ARHGEF2: variants seen among roughly 807,000 people sequenced by gnomAD.
The protein encoded by ARHGEF2 is rho guanine nucleotide exchange factor 2.
In ARHGEF2, 22 loss-of-function variants were observed where a neutral mutation model predicts 121.0. That is an observed-to-expected ratio of 0.18 (90% CI 0.13 to 0.26). ARHGEF2 has a LOEUF of 0.26. Among genes scored for constraint, ARHGEF2 ranks in the 10% least tolerant of loss-of-function variants. The pLI, the probability that ARHGEF2 is intolerant of heterozygous loss-of-function variation, is 1.00. For synonymous variants in ARHGEF2, 487 were observed against 530.0 expected, an observed-to-expected ratio of 0.92 and a Z score of 1.11; for missense variants, 907 against 1,336.0, an observed-to-expected ratio of 0.68 and a Z score of 5.01.
chr1:155,960,543 C>A (rs1016521678), intron 11 of ARHGEF2, among the ~76,000 whole-genome samples: 6 of 151,904 alleles, frequency 3.9e-5, no homozygotes, highest in Admixed American at 3.9e-4. Flanking sequence ...TGTGGGCACA[C>A]AGAAGGGGAG....
At position 155,963,062 on chromosome 1, in the gene ARHGEF2, G is replaced by A. The variant is rs761662798; in HGVS notation, c.846C>T (p.Cys282=). The A allele has an allele frequency of 3.2e-5, 52 of 1,613,998 alleles. No homozygotes were observed. The highest frequency in any genetic ancestry group is 6.7e-5 in the Admixed American group (4 of 60,000). ...EPGVVQGLFP[C]VDELSDIHTR... is the part of the protein sequence containing the mutation. Reference sequence around the variant, plus strand: ...TATGGATGTCACTGAGCTCGTCCACGCAGGGGAACAGGCCCTGGACCACTC... The same window carrying A: ...TATGGATGTCACTGAGCTCGTCCACACAGGGGAACAGGCCCTGGACCACTC... The change falls in exon 8 of 22, where the codon TGC becomes TGT. Residue 282 remains cysteine, a synonymous_variant. Transcript: ENST00000361247.
chr1:155,962,595 G>A lies in ARHGEF2; in HGVS notation c.1099C>T (p.Arg367Trp), dbSNP rs758947911. ...GGGATCTGGAGAGGTCCGCTCACCC[G>A]GATGAATTGCTGGAAGCGTTTGTCT... is the stretch of plus-strand genomic sequence containing the variant. Reference protein sequence around the residue: ...ARDKRFQQFIRKVTRPAVLKR... With the variant: ...ARDKRFQQFIWKVTRPAVLKR... Residue 367 changes from arginine to tryptophan, a missense_variant and splice_region_variant, in exon 9 of 22, where the codon CGG (arginine) becomes TGG (tryptophan). Around this residue, in one of 2 missense-constraint regions of ARHGEF2, gnomAD observed 475 missense variants for 776.5 expected, o/e 0.61. Coordinates refer to ENST00000361247, the MANE Select transcript of ARHGEF2 (RefSeq NM_001162383.2). This position sits in a 1 kb window ranked among gnomAD's most constrained non-coding sequence, Gnocchi z 5.8. 1 of 1,613,594 alleles carries A rather than the reference G, an allele frequency of 6.2e-7. No individual in the cohort carries two copies. The highest frequency in any genetic ancestry group is 1.3e-5 in the African/African-American group (1 of 75,004).
Position 155,951,611 on chromosome 1 carries a change from T to G in ARHGEF2, c.2209-78A>C. On this transcript the variant is annotated intron_variant, in intron 18 of 21. Transcript: ENST00000361247. This position sits in a 1 kb window ranked among gnomAD's most constrained non-coding sequence, Gnocchi z 5.1. Reference sequence around the variant, plus strand: ...CCCAAAAGTTGAACAAGGGTGGGTGTGGGGACAGTAGGATCCGGAGACATA... The same window carrying G: ...CCCAAAAGTTGAACAAGGGTGGGTGGGGGGACAGTAGGATCCGGAGACATA... The G allele has an allele frequency of 6.2e-7, 1 of 1,609,072 alleles. No homozygotes were observed. Among genetic ancestry groups the G allele is most frequent in the Non-Finnish European group, 8.5e-7 (1 of 1,175,542 alleles).
At chr1:155,953,895 T>G (rs1433649261) in intron 14 of ARHGEF2, among the ~76,000 whole-genome samples, 1 of 152,176 alleles carries the variant, frequency 6.6e-6, no homozygotes, top group East Asian at 1.9e-4. Context: ...AAACTTCATG[T>G]TAAAGATGGC....
intron 1 of ARHGEF2, among the ~76,000 whole-genome samples, chr1:155,971,711 C>G (rs1680498094): frequency 6.6e-6 from 1 of 151,668 alleles, no homozygotes; most frequent in Non-Finnish European, 1.5e-5. Context: ...TCCCAGCCTT[C>G]TATATAACTC....
At chr1:155,976,355 C>T (rs750305853) in intron 1 of ARHGEF2, among the ~76,000 whole-genome samples, 1 of 151,668 alleles carries the variant, frequency 6.6e-6, no homozygotes, top group South Asian at 2.1e-4. Context: ...CCCTTCCGAC[C>T]GGCCCAAACT....
intron 15 of ARHGEF2, 50 bp downstream of exon 15, chr1:155,952,578 C>A (rs773964393): frequency 6.4e-7 from 1 of 1,552,562 alleles, no homozygotes; most frequent in East Asian, 2.3e-5. Flanking sequence ...TGTCCACATT[C>A]TGTGACGGTG....
chr1:155,972,698 T>C (rs1244780994), intron 1 of ARHGEF2, among the ~76,000 whole-genome samples: 1 of 148,710 alleles, frequency 6.7e-6, no homozygotes, highest in Non-Finnish European at 1.5e-5. Context: ...ATCTAGATAC[T>C]TTTTTTTTTC....
At position 155,951,716 on chromosome 1, in the gene ARHGEF2, C is replaced by G. The variant is rs753339401; in HGVS notation, c.2208+25G>C. 4.0e-5 allele frequency: 65 copies of G among 1,614,012 alleles called. No homozygotes were observed. Among genetic ancestry groups the G allele is most frequent in the Non-Finnish European group, 5.1e-5 (60 of 1,180,028 alleles). On this transcript the variant is annotated intron_variant, in intron 18 of 21. Coordinates refer to ENST00000361247, the MANE Select transcript of ARHGEF2 (RefSeq NM_001162383.2). The surrounding 1 kb of genome is among the most constrained non-coding windows in gnomAD (Gnocchi z 5.1). ...ACTAAGAACATCCTCCCTTCAGTCT[C>G]CTATACCATCAATTCCCATCTCACC...
At position 155,950,934 on chromosome 1, in the gene ARHGEF2, G is replaced by A. The variant is rs776549300; in HGVS notation, c.2598C>T (p.Thr866=). 6 of 1,601,828 alleles carry A rather than the reference G, an allele frequency of 3.7e-6. No individual in the cohort carries two copies. The highest frequency in any genetic ancestry group is 1.7e-4 in the Middle Eastern group (1 of 5,900). ...ARRQLAALGQ[T]EPLPAEAPWA... ...AGGGGGCCTCAGCTGGGAGTGGCTCGGTCTGGCCCAGGGCGGCCAGCTGCC... is the reference window on the plus strand; with the variant it reads ...AGGGGGCCTCAGCTGGGAGTGGCTCAGTCTGGCCCAGGGCGGCCAGCTGCC... The change falls in exon 20 of 22, where the codon ACC becomes ACT. Residue 866 remains threonine (T), a synonymous_variant. Coordinates refer to ENST00000361247, the MANE Select transcript of ARHGEF2 (RefSeq NM_001162383.2). The surrounding 1 kb of genome is among the most constrained non-coding windows in gnomAD (Gnocchi z 5.2).
In ARHGEF2 at chr1:155,962,638, A is replaced by G. The variant is rs1269437290; in HGVS notation, c.1056T>C (p.Tyr352=). 1.2e-6 allele frequency: 2 copies of G among 1,614,154 alleles called. No homozygotes were observed. Among genetic ancestry groups the G allele is most frequent in the Admixed American group, 1.7e-5 (1 of 60,024 alleles). Residue 352 remains tyrosine (Y), a synonymous_variant, in exon 9 of 22, where the codon TAT becomes TAC. Transcript: ENST00000361247. This position sits in a 1 kb window ranked among gnomAD's most constrained non-coding sequence, Gnocchi z 5.8. The part of the protein sequence containing the change: ...CSRHSKALKL[Y]KELYARDKRF... Reference sequence around the variant, plus strand: ...GTTTGTCTCGGGCGTACAGCTCCTTATAGAGCTTTAAGGCCTTGCTGTGGC... The same window carrying G: ...GTTTGTCTCGGGCGTACAGCTCCTTGTAGAGCTTTAAGGCCTTGCTGTGGC...
chr1:155,961,942 A>C lies in ARHGEF2; in HGVS notation c.1220-33T>G. 1 of 1,612,382 alleles carries C rather than the reference A, an allele frequency of 6.2e-7. No individual in the cohort carries two copies. Among genetic ancestry groups the C allele is most frequent in the South Asian group, 1.1e-5 (1 of 91,014 alleles). ...CGGGGGTTGGCATGGGGAACGGCTCAACCAGTTTCACTCACACCCCAGTTC... is the reference window on the plus strand; with the variant it reads ...CGGGGGTTGGCATGGGGAACGGCTCCACCAGTTTCACTCACACCCCAGTTC... On this transcript the variant is annotated intron_variant, in intron 10 of 21. Coordinates refer to ENST00000361247, the MANE Select transcript of ARHGEF2 (RefSeq NM_001162383.2). The surrounding 1 kb of genome is among the most constrained non-coding windows in gnomAD (Gnocchi z 4.7).
rs1338735702 is a variant in ARHGEF2 at position 155,951,311 on chromosome 1, C to T, written c.2260-39G>A. ...GCAGGCAGAAGGGTTTATCAGAACCCCTGTGCTCTTCTACCCCTCGCCTTC... is the reference window on the plus strand; with the variant it reads ...GCAGGCAGAAGGGTTTATCAGAACCTCTGTGCTCTTCTACCCCTCGCCTTC... On this transcript the variant is annotated intron_variant, in intron 19 of 21. Transcript: ENST00000361247. The surrounding 1 kb of genome is among the most constrained non-coding windows in gnomAD (Gnocchi z 5.1). The T allele has an allele frequency of 2.5e-6, 4 of 1,572,882 alleles. No individual in the cohort carries two copies. The highest frequency in any genetic ancestry group is 3.5e-6 in the Non-Finnish European group (4 of 1,156,298).
intron 14 of ARHGEF2, 37 bp from the exon 15 acceptor site, chr1:155,952,865 T>C (rs747972110): frequency 6.2e-7 from 1 of 1,609,024 alleles, no homozygotes; most frequent in Non-Finnish European, 8.5e-7. Context: ...TGAGAGGACG[T>C]AGGGGTATGC....
In ARHGEF2 at chr1:155,952,178, C is replaced by T. The variant is rs368467356; in HGVS notation, c.2042G>A (p.Arg681Gln). ...TGGTTCCAAGGGCAGGGCTGGCTCT[C>T]GGGGTGTCAAGAGCAGTTCCACTCC... ...GPGVELLLTP[R>Q]EPALPLEPDS... The change falls in exon 16 of 22, where the codon CGA becomes CAA. Residue 681 changes from arginine (R) to glutamine (Q), a missense_variant. Transcript: ENST00000361247. 1.9e-5 allele frequency: 30 copies of T among 1,614,038 alleles called. No individual in the cohort carries two copies. Among genetic ancestry groups the T allele is most frequent in the East Asian group, 4.5e-5 (2 of 44,898 alleles).
At chr1:155,975,181 C>T (rs1681106584) in intron 1 of ARHGEF2, among the ~76,000 whole-genome samples, 1 of 152,170 alleles carries the variant, frequency 6.6e-6, no homozygotes, top group Non-Finnish European at 1.5e-5. Context: ...ACTTTGCTGA[C>T]CACTGTTCAA....
chr1:155,967,967 C>T (rs572068286), intron 2 of ARHGEF2, among the ~76,000 whole-genome samples: 1 of 151,916 alleles, frequency 6.6e-6, no homozygotes, highest in African/African-American at 2.4e-5. Flanking sequence ...CCCCCACCCC[C>T]CTGGAGCTCC....
At chr1:155,963,226 C>G (rs1284518340) in intron 7 of ARHGEF2, 43 bp from the exon 8 acceptor site, 1 of 1,589,820 alleles carries the variant, frequency 6.3e-7, no homozygotes, top group Non-Finnish European at 8.5e-7. Context: ...CCTGGCTTGG[C>G]TAAAACTCGT....
chr1:155,979,092 G>T (rs993453703), upstream of ARHGEF2: 19 of 985,520 alleles, frequency 1.9e-5, no homozygotes, highest in African/African-American at 3.3e-4. Flanking sequence ...AGAACTAAAC[G>T]CTGGATCTTC....
Sources: allele counts gnomAD v4.1 joint callset (sites outside exome capture counted in the v4.1 genomes callset), GRCh38; gene constraint gnomAD v4.1.1; regional missense constraint gnomAD v4.1.1; non-coding constraint Gnocchi (gnomAD v3.1); transcripts MANE v1.5; gene names NCBI Gene and HGNC (gene_info 2026-07-23, HGNC 2026-07-21).